Variants in ARID1B observed in about 807,000 individuals in gnomAD.
ARID1B encodes AT-rich interactive domain-containing protein 1B.
Under a neutral mutation model 212.3 loss-of-function variants are expected in ARID1B, and 30 were observed. The observed-to-expected ratio is 0.14, with a 90% CI of 0.11 to 0.19. ARID1B has a LOEUF of 0.19. ARID1B is among the 10% of genes least tolerant of loss of function. ARID1B has a pLI of 1.00. For synonymous variants in ARID1B, 1,402 were observed against 1,301.7 expected, an observed-to-expected ratio of 1.08 and a Z score of -1.66; for missense variants, 2,891 against 3,204.0, an observed-to-expected ratio of 0.90 and a Z score of 2.36.
intron 4 of ARID1B, among the ~76,000 whole-genome samples, chr6:157,001,002 T>C (rs12210548): frequency 0.29 from 44,075 of 151,894 alleles, 6,571 homozygotes; most frequent in Non-Finnish European, 0.32. Context: ...GCCTAAACAC[T>C]CATTTCTAAT....
chr6:156,794,964 T>C (rs1011975226), intron 1 of ARID1B, among the ~76,000 whole-genome samples: 2 of 152,196 alleles, frequency 1.3e-5, no homozygotes, highest in African/African-American at 4.8e-5. Flanking sequence ...GAATTTGGGC[T>C]ACAAGGGCTG....
intron 6 of ARID1B, among the ~76,000 whole-genome samples, chr6:157,122,223 T>C (rs950839772): frequency 6.6e-6 from 1 of 152,164 alleles, no homozygotes; most frequent in African/African-American, 2.4e-5. Flanking sequence ...GTCTCCATAA[T>C]AGAGATTGAA....
chr6:157,184,998 C>T (rs1351544571), intron 13 of ARID1B: 1 of 159,212 alleles, frequency 6.3e-6, no homozygotes, highest in East Asian at 1.9e-4. Context: ...GTTTTGGAAA[C>T]AGGTGGTCTT....
chr6:156,961,993 A>G (rs1226403262), intron 4 of ARID1B, among the ~76,000 whole-genome samples: 1 of 151,920 alleles, frequency 6.6e-6, no homozygotes, highest in African/African-American at 2.4e-5. Flanking sequence ...CATATACACA[A>G]ATACTCTTAA....
At chr6:156,924,750 G>A (rs1435434765) in intron 3 of ARID1B, among the ~76,000 whole-genome samples, 1 of 152,198 alleles carries the variant, frequency 6.6e-6, no homozygotes, top group African/African-American at 2.4e-5. Flanking sequence ...TAGGTAATAA[G>A]TTATAGGGAG....
intron 1 of ARID1B, among the ~76,000 whole-genome samples, chr6:156,795,750 C>A (rs1352466263): frequency 1.3e-5 from 2 of 152,126 alleles, no homozygotes; most frequent in Middle Eastern, 3.2e-3. Context: ...AGACCCTCTG[C>A]GCCCTTCCTT....
At chr6:157,036,799 A>G (rs1476839773) in intron 4 of ARID1B, 3 of 490,508 alleles carry the variant, frequency 6.1e-6, no homozygotes, top group Non-Finnish European at 1.2e-5. Context: ...GAGGTTTTTG[A>G]TAGTGCCTAA....
At chr6:157,049,707 GCTTAT>G (rs1475748751) in intron 4 of ARID1B, among the ~76,000 whole-genome samples, 6 of 151,944 alleles carry the variant, frequency 3.9e-5, no homozygotes, top group Non-Finnish European at 5.9e-5. Flanking sequence ...TTGGATATAG[GCTTAT>G]CTTATCCATT....
At chr6:157,077,339 A>T (rs1032587851) in intron 4 of ARID1B, among the ~76,000 whole-genome samples, 5 of 151,968 alleles carry the variant, frequency 3.3e-5, no homozygotes, top group African/African-American at 1.2e-4. Context: ...TAATATTAAG[A>T]CTCACTTTCT....
chr6:156,862,432 A>AGGG (rs893192715), intron 2 of ARID1B, among the ~76,000 whole-genome samples: 2 of 152,166 alleles, frequency 1.3e-5, no homozygotes, highest in African/African-American at 4.8e-5. Flanking sequence ...CCAACACTTA[A>AGGG]GGGGGGTATA....
At chr6:156,777,173 C>T (rs1210726923), upstream of ARID1B, 2 of 151,654 alleles carry the variant, frequency 1.3e-5, no homozygotes, top group African/African-American at 4.8e-5. Flanking sequence ...CCGGCCGCCC[C>T]ACGCCGCCGC....
At chr6:156,931,779 A>G (rs1791737956) in intron 3 of ARID1B, among the ~76,000 whole-genome samples, 1 of 152,062 alleles carries the variant, frequency 6.6e-6, no homozygotes, top group East Asian at 1.9e-4. Flanking sequence ...CCTGACCAAC[A>G]TGGAGAAACC....
At chr6:156,836,454 C>A (rs1021577595) in intron 2 of ARID1B, among the ~76,000 whole-genome samples, 2 of 152,056 alleles carry the variant, frequency 1.3e-5, no homozygotes, top group African/African-American at 2.4e-5. Context: ...CAGAAACTCA[C>A]CACTGACCCA....
chr6:157,159,276 G>A (rs2128274243), intron 8 of ARID1B, among the ~76,000 whole-genome samples: 1 of 152,350 alleles, frequency 6.6e-6, no homozygotes, highest in South Asian at 2.1e-4. Context: ...CTTTGAGGAT[G>A]AAGAGAACTT....
In ARID1B at chr6:157,174,966, C is replaced by A. The variant is rs1186338117; in HGVS notation, c.3465C>A (p.Ser1155Arg). Residue 1155 changes from serine to arginine, a missense_variant, in exon 11 of 20, where the codon AGC (serine) becomes AGA (arginine). Transcript: ENST00000636930. ...ISSFHGDESD[S>R]ISSPGWPKTP... ...CATTTCATGGAGATGAAAGTGATAG[C>A]ATTAGCAGCCCAGGCTGGCCAAAGA... 1 of 1,528,062 alleles carries A rather than the reference C, an allele frequency of 6.5e-7. No homozygotes were observed. Among genetic ancestry groups the A allele is most frequent in the South Asian group, 1.3e-5 (1 of 77,830 alleles). 94.7% of individuals were successfully genotyped at this position (1,528,062 alleles called of 1,614,324 possible).
chr6:156,787,350 A>G (rs918680335), intron 1 of ARID1B, among the ~76,000 whole-genome samples: 3 of 152,202 alleles, frequency 2.0e-5, no homozygotes, highest in African/African-American at 7.2e-5. Flanking sequence ...TAAACCTTTC[A>G]GAAAGCGAGG....
At chr6:157,088,697 A>G (rs1409487419) in intron 5 of ARID1B, among the ~76,000 whole-genome samples, 1 of 152,140 alleles carries the variant, frequency 6.6e-6, no homozygotes, top group Admixed American at 6.5e-5. Context: ...CCTAAATGCA[A>G]ATACACCTTC....
intron 4 of ARID1B, among the ~76,000 whole-genome samples, chr6:157,076,046 T>C (rs980967169): frequency 6.6e-6 from 1 of 152,210 alleles, no homozygotes; most frequent in African/African-American, 2.4e-5. Flanking sequence ...AAATGTGCCA[T>C]GTTATGTGAA....
intron 2 of ARID1B, among the ~76,000 whole-genome samples, chr6:156,843,637 C>G (rs1784046990): frequency 6.6e-6 from 1 of 152,090 alleles, no homozygotes; most frequent in Non-Finnish European, 1.5e-5. Flanking sequence ...CAGACTGATT[C>G]TAATAATAAT....
Sources: allele counts gnomAD v4.1 joint callset (sites outside exome capture counted in the v4.1 genomes callset), GRCh38; gene constraint gnomAD v4.1.1; transcripts MANE v1.5; gene names NCBI Gene and HGNC (gene_info 2026-07-23, HGNC 2026-07-21).